The following AFF2 variants were observed in gnomAD, a reference collection of about 807,000 sequenced individuals.
AFF2 encodes AF4/FMR2 family member 2.
AFF2 carries 14 observed loss-of-function variants against 76.9 expected under a neutral mutation model. That is an observed-to-expected ratio of 0.18 (90% CI 0.12 to 0.28). The LOEUF (loss-of-function observed/expected upper bound fraction) is 0.28, where lower values mean the gene tolerates loss of function less well. AFF2 is among the 10% of genes least tolerant of loss of function. AFF2 has a pLI of 1.00. For synonymous variants in AFF2, 398 were observed against 366.7 expected (o/e 1.09, Z -0.98); for missense variants, 868 against 1,001.1 (o/e 0.87, Z 1.79).
At chrX:148,750,844 T>G (rs2055489477) in intron 3 of AFF2, among the ~76,000 whole-genome samples, 1 of 112,026 alleles carries the variant, frequency 8.9e-6, no homozygotes, top group East Asian at 2.8e-4. Flanking sequence ...CTTGTTCTTG[T>G]TACTAGCATC....
rs2124442631 is a variant in AFF2 at position 148,993,912 on chromosome X, T to C, written c.*2580T>C. 8.9e-6 allele frequency: 1 copy of C among 112,699 alleles called. No homozygotes were observed. Among genetic ancestry groups the C allele is most frequent in the Non-Finnish European group, 1.9e-5 (1 of 53,295 alleles). 9.3% of individuals were successfully genotyped at this position (112,699 alleles called of 1,213,427 possible). The stretch of plus-strand genomic sequence containing the variant: ...TTAAGGATTGTTGCTGTTTTATAGT[T>C]ACTCTGTTCATCACAGTGTAAATGG... On this transcript the variant is annotated 3_prime_UTR_variant, in exon 21 of 21. Transcript: ENST00000370460.
intron 3 of AFF2, among the ~76,000 whole-genome samples, chrX:148,779,097 T>C (rs1253984802): frequency 8.9e-6 from 1 of 111,968 alleles, no homozygotes; most frequent in Middle Eastern, 4.6e-3. Context: ...GATATTGTTA[T>C]TTACCCAGTC....
chrX:148,853,153 G>GA (rs2124010398), intron 7 of AFF2, among the ~76,000 whole-genome samples: 1 of 111,448 alleles, frequency 9.0e-6, no homozygotes, highest in South Asian at 3.8e-4. Context: ...AAATACGAAG[G>GA]AAAAATAACA....
intron 3 of AFF2, among the ~76,000 whole-genome samples, chrX:148,786,209 C>T (rs1302727269): frequency 9.0e-6 from 1 of 111,587 alleles, no homozygotes; most frequent in Admixed American, 9.5e-5. Flanking sequence ...TGTTGCCTCC[C>T]CACCCCACCC....
intron 3 of AFF2, among the ~76,000 whole-genome samples, chrX:148,785,675 G>C (rs985917894): frequency 6.3e-5 from 7 of 111,783 alleles, no homozygotes; most frequent in Non-Finnish European, 1.1e-4. Flanking sequence ...TTTGTGCTCT[G>C]TAAGCCTAGC....
Position 148,966,673 on chromosome X carries a change from CTTTCTT to C in AFF2, c.2914-113_2914-108del, listed in dbSNP as rs1181385887. 32 of 1,021,942 alleles carry C rather than the reference CTTTCTT, an allele frequency of 3.1e-5. No individual in the cohort carries two copies. The African/African-American group carries it at 7.8e-4, about 25-fold the overall frequency. 84.2% of individuals were successfully genotyped at this position (1,021,942 alleles called of 1,213,427 possible). ...ATCCTCAAGCTGTGTGCATTGTTTT[CTTTCTT>C]TTTTTTTTTTTTTGCCTTCTTTCGT... On this transcript the variant is annotated intron_variant, in intron 13 of 20. Transcript: ENST00000370460.
chrX:148,767,987 C>G (rs889694828), intron 3 of AFF2, among the ~76,000 whole-genome samples: 1 of 108,923 alleles, frequency 9.2e-6, no homozygotes, highest in Admixed American at 9.9e-5. Context: ...CTCTTACATA[C>G]TATGGCCATC....
intron 1 of AFF2, among the ~76,000 whole-genome samples, chrX:148,584,090 CTTTG>C (rs1213294993): frequency 6.3e-5 from 7 of 111,036 alleles, no homozygotes; most frequent in African/African-American, 2.0e-4. Context: ...GTTTTTTCAC[CTTTG>C]TTTATTTTTT....
At chrX:148,535,598 G>C (rs782728159) in intron 1 of AFF2, among the ~76,000 whole-genome samples, 169 of 112,553 alleles carry the variant, frequency 1.5e-3, no homozygotes, top group Non-Finnish European at 2.5e-3. Flanking sequence ...ATTGTAACAA[G>C]AAATATTTTT....
intron 16 of AFF2, among the ~76,000 whole-genome samples, chrX:148,977,003 C>T (rs1027526179): frequency 2.7e-5 from 3 of 111,929 alleles, no homozygotes; most frequent in African/African-American, 9.8e-5. Context: ...CAGTGTTCTG[C>T]GGGGGAAGGT....
intron 20 of AFF2, 124 bp from the exon 21 acceptor site, chrX:148,991,087 G>A (rs1461043166): frequency 2.6e-6 from 2 of 782,034 alleles, no homozygotes; most frequent in African/African-American, 4.2e-5. Context: ...TGAATGAATG[G>A]ACAAATGAAT....
At chrX:148,741,551 G>A (rs1462062649) in intron 3 of AFF2, among the ~76,000 whole-genome samples, 3 of 110,765 alleles carry the variant, frequency 2.7e-5, no homozygotes, top group African/African-American at 9.9e-5. Context: ...AAACTTGCCC[G>A]AGGCTTTCCT....
intron 1 of AFF2, among the ~76,000 whole-genome samples, chrX:148,537,295 T>A (rs2124257843): frequency 8.9e-6 from 1 of 112,322 alleles, no homozygotes; most frequent in African/African-American, 3.2e-5. Context: ...CAAATCTGAT[T>A]GTCGTAGAGG....
chrX:148,858,790 G>A (rs2070814578), intron 7 of AFF2, among the ~76,000 whole-genome samples: 1 of 109,686 alleles, frequency 9.1e-6, no homozygotes, highest in Non-Finnish European at 1.9e-5. Context: ...GAACTAGAAA[G>A]GTATATATGT....
chrX:148,913,788 C>A (rs1305241100), intron 9 of AFF2, among the ~76,000 whole-genome samples: 6 of 112,263 alleles, frequency 5.3e-5, no homozygotes, highest in African/African-American at 1.9e-4. Flanking sequence ...GTTTAATCTG[C>A]CCACATAAGT....
At chrX:148,987,305 T>C (rs1480984179) in intron 19 of AFF2, 62 bp from the exon 20 acceptor site, 12 of 1,069,365 alleles carry the variant, frequency 1.1e-5, no homozygotes, top group Non-Finnish European at 1.4e-5. Context: ...GGGGAAGGCC[T>C]AGAACCCCAC....
chrX:148,999,566 A>T lies in AFF2; in HGVS notation c.*8234A>T, dbSNP rs1230182689. 9.0e-6 allele frequency: 1 copy of T among 111,206 alleles called. No homozygotes were observed. Among genetic ancestry groups the T allele is most frequent in the Non-Finnish European group, 1.9e-5 (1 of 52,977 alleles). 9.2% of individuals were successfully genotyped at this position (111,206 alleles called of 1,213,427 possible). On this transcript the variant is annotated 3_prime_UTR_variant, in exon 21 of 21. Transcript: ENST00000370460. ...TGTGGCAAGCCATAACTGCACAAAG[A>T]GTACACATCGTCAGTGTGTGTGTGT...
chrX:148,590,626 G>T (rs2053514585), intron 1 of AFF2, among the ~76,000 whole-genome samples: 2 of 111,935 alleles, frequency 1.8e-5, no homozygotes, highest in South Asian at 7.5e-4. Flanking sequence ...GTTCTTGGTA[G>T]CACCCTAGTG....
At chrX:148,739,984 C>G (rs2055330955) in intron 3 of AFF2, among the ~76,000 whole-genome samples, 1 of 111,969 alleles carries the variant, frequency 8.9e-6, no homozygotes, top group Admixed American at 9.5e-5. Context: ...GCCCCAATCC[C>G]TTCTAGCTTG....
Sources: allele counts gnomAD v4.1 joint callset (sites outside exome capture counted in the v4.1 genomes callset), GRCh38; gene constraint gnomAD v4.1.1; transcripts MANE v1.5; gene names NCBI Gene and HGNC (gene_info 2026-07-23, HGNC 2026-07-21).